The following NUP210L variants were observed in gnomAD, a reference collection of about 807,000 sequenced individuals.
The protein encoded by NUP210L is nuclear pore membrane glycoprotein 210-like.
NUP210L carries 74 observed loss-of-function variants against 208.5 expected under a neutral mutation model. The observed-to-expected ratio is 0.35, with a 90% CI of 0.29 to 0.43. The LOEUF (loss-of-function observed/expected upper bound fraction) is 0.43. NUP210L is among the 20% of genes least tolerant of loss of function. The probability of loss-of-function intolerance (pLI) is 1.00; values close to 1 mark genes in which losing one functional copy is unlikely to be tolerated. For missense variants in NUP210L, 1,843 were observed against 2,289.4 expected, an observed-to-expected ratio of 0.81 and a Z score of 3.98; for synonymous variants, 780 against 816.9, an observed-to-expected ratio of 0.95 and a Z score of 0.77.
intron 34 of NUP210L, among the ~76,000 whole-genome samples, chr1:154,010,596 C>T (rs188469633): frequency 1.3e-5 from 2 of 152,124 alleles, no homozygotes; most frequent in Admixed American, 6.6e-5. Flanking sequence ...ATAGGCCAGG[C>T]GCGGTGGCTC....
chr1:154,113,514 A>G lies in NUP210L; in HGVS notation c.1620+4211T>C, dbSNP rs187016624. Among the ~76,000 whole-genome samples, 336 of 152,252 alleles carry G rather than the reference A, an allele frequency of 2.2e-3. 2 individuals carry two copies. Among genetic ancestry groups the G allele is most frequent in the African/African-American group, 7.7e-3 (320 of 41,564 alleles). On this transcript the variant is annotated intron_variant, in intron 12 of 39. Coordinates refer to ENST00000368559, the Ensembl canonical transcript of NUP210L. ...TTTTAAAAGGTTGTAAAATAAAACA[A>G]TAACAACCACAAAAAAGAATATGAG...
At chr1:154,007,911 G>A (rs1029834283) in intron 35 of NUP210L, among the ~76,000 whole-genome samples, 1 of 149,024 alleles carries the variant, frequency 6.7e-6, no homozygotes, top group Non-Finnish European at 1.5e-5. Context: ...TTGCTCTGTT[G>A]CCTAGGCTGG....
chr1:154,003,735 A>C (rs1350268930), intron 35 of NUP210L, among the ~76,000 whole-genome samples: 1 of 151,994 alleles, frequency 6.6e-6, no homozygotes, highest in Non-Finnish European at 1.5e-5. Context: ...TGATCCTCCC[A>C]CTTCAGCCTC....
Position 154,138,257 on chromosome 1 carries a change from G to GAAA in NUP210L, c.718-22_718-20dup, listed in dbSNP as rs11318139. On this transcript the variant is annotated intron_variant, in intron 5 of 39. Coordinates refer to ENST00000368559, the Ensembl canonical transcript of NUP210L. ...CCACTTTCTAAAAGAGGGAGGGAAG[G>GAAA]AAAAAAAAAAACAGTTTCCATGGAC... The GAAA allele has an allele frequency of 7.5e-6, 10 of 1,327,176 alleles. No individual in the cohort carries two copies. The highest frequency in any genetic ancestry group is 6.0e-5 in the Admixed American group (2 of 33,350). 82.2% of individuals were successfully genotyped at this position (1,327,176 alleles called of 1,614,324 possible).
At chr1:154,030,197 G>T (rs1652133092) in intron 27 of NUP210L, 143 bp from the exon 28 acceptor site, 1 of 517,572 alleles carries the variant, frequency 1.9e-6, no homozygotes, top group Non-Finnish European at 3.2e-6. Context: ...AGGGATAGAA[G>T]ACTACAAATA....
intron 7 of NUP210L, among the ~76,000 whole-genome samples, chr1:154,132,019 A>G (rs1179909486): frequency 6.6e-6 from 1 of 152,150 alleles, no homozygotes; most frequent in Non-Finnish European, 1.5e-5. Flanking sequence ...CATGTTGACC[A>G]GGCTGGTCTC....
intron 15 of NUP210L, among the ~76,000 whole-genome samples, chr1:154,091,175 A>G (rs1655892234): frequency 1.3e-5 from 2 of 150,976 alleles, no homozygotes; most frequent in African/African-American, 4.9e-5. Context: ...GGCTCACTGT[A>G]ACCTCCGCCT....
chr1:154,130,935 T>C (rs138606882), intron 7 of NUP210L, among the ~76,000 whole-genome samples: 3 of 151,994 alleles, frequency 2.0e-5, no homozygotes, highest in African/African-American at 7.2e-5. Flanking sequence ...AAAGTTAGGT[T>C]TAGTTCTGAT....
chr1:154,038,676 G>A (rs749180988), intron 27 of NUP210L, among the ~76,000 whole-genome samples: 1 of 152,026 alleles, frequency 6.6e-6, no homozygotes, highest in Non-Finnish European at 1.5e-5. Flanking sequence ...GCCTAGCCTG[G>A]ACTTGAACTC....
chr1:154,127,509 C>A, intron 8 of NUP210L, 92 bp from the exon 9 acceptor site: 4 of 477,132 alleles, frequency 8.4e-6, no homozygotes, highest in South Asian at 7.2e-5. Flanking sequence ...GCTGTTCAAA[C>A]AGCAAAATTT....
chr1:154,052,531 G>A (rs2147981905), intron 25 of NUP210L, among the ~76,000 whole-genome samples: 1 of 152,300 alleles, frequency 6.6e-6, no homozygotes, highest in Middle Eastern at 3.4e-3. Flanking sequence ...TATGATAGTG[G>A]TGATCACCGT....
chr1:154,019,943 A>AAACAAAC (rs1265560635), intron 32 of NUP210L, among the ~76,000 whole-genome samples: 3 of 152,088 alleles, frequency 2.0e-5, no homozygotes, highest in African/African-American at 7.2e-5. Context: ...ACAAACAAAC[A>AAACAAAC]AACAAAAAAA....
At chr1:154,099,101 A>G (rs1656325698) in intron 14 of NUP210L, among the ~76,000 whole-genome samples, 1 of 152,150 alleles carries the variant, frequency 6.6e-6, no homozygotes, top group Non-Finnish European at 1.5e-5. Flanking sequence ...CAGCAGGAAG[A>G]AGCCAGGCAG....
rs114151633 is a variant in NUP210L at position 154,014,241 on chromosome 1, A to G, written c.4654-1871T>C. On this transcript the variant is annotated intron_variant, in intron 33 of 39. Transcript: ENST00000368559. ...AGGCCAGCACAATGCCTGACACTTAATAGGCTTTAATGAGTATCTGCTAAT... is the reference window on the plus strand; with the variant it reads ...AGGCCAGCACAATGCCTGACACTTAGTAGGCTTTAATGAGTATCTGCTAAT... Among the ~76,000 whole-genome samples, 125 of 152,286 alleles carry G rather than the reference A, an allele frequency of 8.2e-4. 1 individual carries two copies. Among genetic ancestry groups the G allele is most frequent in the African/African-American group, 2.8e-3 (117 of 41,564 alleles).
At chr1:154,110,423 C>T (rs1357820444) in intron 12 of NUP210L, among the ~76,000 whole-genome samples, 8 of 150,706 alleles carry the variant, frequency 5.3e-5, no homozygotes, top group Non-Finnish European at 1.0e-4. Flanking sequence ...AGGGGCACGC[C>T]ACCATGCCTG....
rs772645872 is a variant in NUP210L, at chr1:153,995,161, G to A, written c.5406C>T (p.Ala1802=). The change falls in exon 38 of 40, where the codon GCC becomes GCT. Residue 1802 remains alanine, a synonymous_variant. Transcript: ENST00000368559. ...AAGAGCCAGTGAACCGCTTGAGGAT[G>A]GCGGAATCTTCACAGTGATCTATAC... 6.2e-6 allele frequency: 10 copies of A among 1,613,530 alleles called. No homozygotes were observed. The African/African-American group carries it at 1.1e-4, about 17-fold the overall frequency.
At chr1:154,034,338 T>G (rs1476468218) in intron 27 of NUP210L, among the ~76,000 whole-genome samples, 3 of 152,078 alleles carry the variant, frequency 2.0e-5, no homozygotes, top group Non-Finnish European at 4.4e-5. Context: ...GGAGACTTTT[T>G]TCTTTTTTTG....
chr1:154,012,674 C>G (rs1650993472), intron 33 of NUP210L, among the ~76,000 whole-genome samples: 1 of 151,994 alleles, frequency 6.6e-6, no homozygotes, highest in South Asian at 2.1e-4. Flanking sequence ...TCTAGAGAAG[C>G]TGGGACTACA....
chr1:153,995,571 A>G, intron 37 of NUP210L: 2 of 730,980 alleles, frequency 2.7e-6, no homozygotes, highest in Non-Finnish European at 5.0e-6. Context: ...ATCCTCTGCT[A>G]CTTTAAAATG....
Sources: allele counts gnomAD v4.1 joint callset (sites outside exome capture counted in the v4.1 genomes callset), GRCh38; gene constraint gnomAD v4.1.1; transcripts MANE v1.5; gene names NCBI Gene and HGNC (gene_info 2026-07-23, HGNC 2026-07-21).